Variants in DAPK1 observed in about 807,000 individuals in gnomAD.
The protein encoded by DAPK1 is death associated protein kinase 1.
A neutral mutation model predicts 144.9 loss-of-function variants in DAPK1; 56 were observed. The ratio of observed to expected loss-of-function variants is 0.39; its 90% confidence interval spans 0.31 to 0.48. DAPK1 has a LOEUF of 0.48. Among genes scored for constraint, DAPK1 ranks in the 20% least tolerant of loss-of-function variants. The pLI is 0.95. For synonymous variants in DAPK1, 690 were observed against 749.0 expected (o/e 0.92, Z 1.29); for missense variants, 1,454 against 1,875.4 (o/e 0.78, Z 4.15).
chr9:87,627,080 A>G (rs1372782549), intron 3 of DAPK1, among the ~76,000 whole-genome samples: 1 of 152,106 alleles, frequency 6.6e-6, no homozygotes, highest in Non-Finnish European at 1.5e-5. Context: ...GTTATTTCCA[A>G]ACAGAACAGT....
intron 17 of DAPK1, among the ~76,000 whole-genome samples, chr9:87,652,105 C>T (rs76974084): frequency 4.4e-5 from 6 of 136,720 alleles, no homozygotes; most frequent in African/African-American, 1.4e-4. Flanking sequence ...TCCATCCCCC[C>T]GATCCTGGGT....
At chr9:87,590,396 G>T (rs951577882) in intron 2 of DAPK1, among the ~76,000 whole-genome samples, 3 of 141,136 alleles carry the variant, frequency 2.1e-5, no homozygotes, top group South Asian at 4.4e-4. Context: ...GAAAAGAAAA[G>T]AAAAGAAAAA....
chr9:87,516,697 T>C (rs1825072760), intron 2 of DAPK1, among the ~76,000 whole-genome samples: 1 of 152,198 alleles, frequency 6.6e-6, no homozygotes, highest in Non-Finnish European at 1.5e-5. Context: ...ATGGCTTAAT[T>C]AGCTCTTCAG....
At chr9:87,630,297 T>G (rs866967212) in intron 3 of DAPK1, among the ~76,000 whole-genome samples, 3 of 152,344 alleles carry the variant, frequency 2.0e-5, no homozygotes, top group South Asian at 4.1e-4. Flanking sequence ...TGTATTACAT[T>G]ATTACTTGTG....
intron 2 of DAPK1, among the ~76,000 whole-genome samples, chr9:87,531,756 T>C (rs1375469812): frequency 6.6e-6 from 1 of 152,220 alleles, no homozygotes; most frequent in South Asian, 2.1e-4. Flanking sequence ...TTGTGTCTTA[T>C]TGTTTCCTGT....
At chr9:87,500,640 T>C (rs1460321507) in intron 2 of DAPK1, among the ~76,000 whole-genome samples, 2 of 152,102 alleles carry the variant, frequency 1.3e-5, no homozygotes, top group African/African-American at 2.4e-5. Context: ...TTTGGTACCA[T>C]TATGTGTTAT....
chr9:87,581,066 T>TGA (rs1348894348), intron 2 of DAPK1, among the ~76,000 whole-genome samples: 4 of 152,228 alleles, frequency 2.6e-5, no homozygotes, highest in Non-Finnish European at 5.9e-5. Flanking sequence ...GTAACTTATC[T>TGA]GAGTTCTCTC....
At chr9:87,638,760 C>T (rs1341850462) in intron 4 of DAPK1, among the ~76,000 whole-genome samples, 4 of 152,156 alleles carry the variant, frequency 2.6e-5, no homozygotes, top group Admixed American at 2.6e-4. Flanking sequence ...GAGGATTTTC[C>T]CCATTCTTCT....
At chr9:87,550,965 A>T (rs1826458654) in intron 2 of DAPK1, among the ~76,000 whole-genome samples, 1 of 152,196 alleles carries the variant, frequency 6.6e-6, no homozygotes, top group Admixed American at 6.5e-5. Flanking sequence ...GAGGGGGCTA[A>T]CCTGGGGACA....
chr9:87,603,260 C>CT (rs1828591800), intron 2 of DAPK1, among the ~76,000 whole-genome samples: 1 of 152,170 alleles, frequency 6.6e-6, no homozygotes, highest in African/African-American at 2.4e-5. Flanking sequence ...CTCTGCCACC[C>CT]TCCGCCCCAC....
intron 2 of DAPK1, among the ~76,000 whole-genome samples, chr9:87,599,642 A>C (rs916175184): frequency 2.0e-5 from 3 of 152,224 alleles, no homozygotes; most frequent in Non-Finnish European, 4.4e-5. Context: ...ATTAAAATTA[A>C]TGTGATGTCT....
intron 2 of DAPK1, among the ~76,000 whole-genome samples, chr9:87,517,007 C>T (rs1461332576): frequency 1.3e-5 from 2 of 152,124 alleles, no homozygotes; most frequent in Non-Finnish European, 2.9e-5. Context: ...CATGCCACTT[C>T]AGGGAAGAAA....
intron 9 of DAPK1, 60 bp from the exon 10 acceptor site, chr9:87,641,909 C>T: frequency 1.5e-6 from 2 of 1,374,454 alleles, no homozygotes; most frequent in Non-Finnish European, 2.0e-6. Context: ...AAAAAATTGT[C>T]ATATAACACA....
intron 2 of DAPK1, among the ~76,000 whole-genome samples, chr9:87,544,699 G>A (rs1012605573): frequency 6.6e-6 from 1 of 152,110 alleles, no homozygotes; most frequent in Non-Finnish European, 1.5e-5. Flanking sequence ...GCTCTTACTG[G>A]TGAGATGGAT....
chr9:87,692,766 G>GT (rs1159275326), intron 21 of DAPK1, among the ~76,000 whole-genome samples: 3 of 151,832 alleles, frequency 2.0e-5, no homozygotes, highest in Non-Finnish European at 1.5e-5. Flanking sequence ...AGCTTGTCTT[G>GT]TTTTTGGGGA....
At chr9:87,540,601 G>A (rs1320715546) in intron 2 of DAPK1, among the ~76,000 whole-genome samples, 3 of 152,120 alleles carry the variant, frequency 2.0e-5, no homozygotes, top group Admixed American at 1.3e-4. Flanking sequence ...ATGGTTTGAC[G>A]CATCCACTAG....
chr9:87,693,799 C>T (rs764646678), intron 21 of DAPK1, among the ~76,000 whole-genome samples: 7 of 152,120 alleles, frequency 4.6e-5, no homozygotes, highest in Non-Finnish European at 7.3e-5. Context: ...CATGCAGTAG[C>T]ATAGTGGCCA....
At chr9:87,636,847 T>G (rs1004704112) in intron 3 of DAPK1, among the ~76,000 whole-genome samples, 3 of 152,232 alleles carry the variant, frequency 2.0e-5, no homozygotes, top group Non-Finnish European at 4.4e-5. Flanking sequence ...TTATTAAAAC[T>G]TCCCTGTTAT....
At chr9:87,681,039 G>A (rs1462364843) in intron 19 of DAPK1, among the ~76,000 whole-genome samples, 1 of 152,170 alleles carries the variant, frequency 6.6e-6, no homozygotes, top group East Asian at 1.9e-4. Context: ...AGCACTTTGG[G>A]AGGCCAAGGC....
Sources: gnomAD v4.1 joint callset for allele counts (sites outside exome capture counted in the v4.1 genomes callset) on GRCh38, gnomAD v4.1.1 for gene constraint, MANE v1.5 for transcripts, NCBI Gene and HGNC (gene_info 2026-07-23, HGNC 2026-07-21) for gene names.